Variants in TENM2 observed in about 807,000 individuals in gnomAD.
The protein encoded by TENM2 is teneurin-2.
TENM2 carries 52 observed loss-of-function variants against 245.2 expected under a neutral mutation model. That is an observed-to-expected ratio of 0.21 (90% confidence interval 0.17 to 0.27). The LOEUF is 0.27. TENM2 is among the 10% of genes least tolerant of loss of function. The probability of loss-of-function intolerance (pLI) is 1.00; values close to 1 mark genes in which losing one functional copy is unlikely to be tolerated. For missense variants in TENM2, 3,046 were observed against 3,666.8 expected (o/e 0.83, Z 4.37); for synonymous variants, 1,363 against 1,438.9 (o/e 0.95, Z 1.19).
chr5:167,808,099 T>C (rs1766360888), intron 2 of TENM2, among the ~76,000 whole-genome samples: 1 of 152,100 alleles, frequency 6.6e-6, no homozygotes, highest in South Asian at 2.1e-4. Flanking sequence ...AGAATCTGAG[T>C]TGGAGAAATA....
At chr5:168,122,121 C>T (rs1795508276) in intron 10 of TENM2, among the ~76,000 whole-genome samples, 1 of 152,200 alleles carries the variant, frequency 6.6e-6, no homozygotes, top group South Asian at 2.1e-4. Context: ...TGGTATATTC[C>T]CTTACCTGTG....
the TENM2 span, among the ~76,000 whole-genome samples, chr5:167,274,438 G>A: frequency 1.3e-5 from 2 of 152,028 alleles, no homozygotes; most frequent in Admixed American, 6.6e-5. Context: ...CCAGTTTGGG[G>A]CTAATGAGTG....
chr5:168,212,976 T>C (rs1302556778), intron 20 of TENM2, among the ~76,000 whole-genome samples: 3 of 152,216 alleles, frequency 2.0e-5, no homozygotes. Context: ...TCAGGCTCCC[T>C]AGAAAGTCCA....
At chr5:167,463,748 G>C (rs1211250039) in intron 2 of TENM2, among the ~76,000 whole-genome samples, 1 of 152,044 alleles carries the variant, frequency 6.6e-6, no homozygotes, top group Non-Finnish European at 1.5e-5. Flanking sequence ...TGCCTGCTTC[G>C]GCCCCCCAGA....
At chr5:167,489,608 A>T (rs542971440) in intron 2 of TENM2, among the ~76,000 whole-genome samples, 4 of 152,266 alleles carry the variant, frequency 2.6e-5, no homozygotes, top group Admixed American at 6.5e-5. Context: ...ACCTTCTAAG[A>T]TACTCTACAG....
chr5:167,336,611 G>C (rs997981135), intron 1 of TENM2, among the ~76,000 whole-genome samples: 4 of 151,972 alleles, frequency 2.6e-5, no homozygotes, highest in African/African-American at 9.7e-5. Context: ...CAGTTACAAA[G>C]CATAGTCCAG....
At chr5:166,979,922 C>G in the TENM2 span, among the ~76,000 whole-genome samples, 4 of 152,192 alleles carry the variant, frequency 2.6e-5, no homozygotes, top group East Asian at 7.7e-4. Flanking sequence ...TTAAGGTTAT[C>G]GTTCTCCAGG....
At chr5:167,482,137 C>T (rs996364733) in intron 2 of TENM2, among the ~76,000 whole-genome samples, 1 of 152,134 alleles carries the variant, frequency 6.6e-6, no homozygotes, top group Non-Finnish European at 1.5e-5. Context: ...AAAACTGCTG[C>T]AGGATATAAT....
intron 1 of TENM2, among the ~76,000 whole-genome samples, chr5:167,331,235 CAAA>C (rs34787036): frequency 2.3e-5 from 2 of 85,608 alleles, no homozygotes; most frequent in Non-Finnish European, 2.2e-5. Flanking sequence ...GACTCTGTCT[CAAA>C]AAAAAAAAAA....
intron 2 of TENM2, among the ~76,000 whole-genome samples, chr5:167,733,017 T>G (rs531544245): frequency 1.3e-5 from 2 of 152,182 alleles, no homozygotes; most frequent in Non-Finnish European, 2.9e-5. Flanking sequence ...TATTTTCCTA[T>G]CAGGAAATAT....
intron 2 of TENM2, among the ~76,000 whole-genome samples, chr5:167,393,170 A>AAT (rs1448605242): frequency 2.0e-5 from 3 of 152,126 alleles, no homozygotes; most frequent in Non-Finnish European, 4.4e-5. Context: ...GGCAATAAAA[A>AAT]ATGAACTTGA....
chr5:167,222,634 A>T, the TENM2 span, among the ~76,000 whole-genome samples: 1 of 152,156 alleles, frequency 6.6e-6, no homozygotes, highest in Non-Finnish European at 1.5e-5. Context: ...TACAGCACCT[A>T]TGATTCTCTC....
the TENM2 span, among the ~76,000 whole-genome samples, chr5:167,074,426 T>C: frequency 6.6e-6 from 1 of 152,178 alleles, no homozygotes; most frequent in African/African-American, 2.4e-5. Flanking sequence ...ACTCTCATGA[T>C]GGAGGTGTTC....
intron 2 of TENM2, among the ~76,000 whole-genome samples, chr5:167,455,993 T>G (rs535681089): frequency 6.6e-6 from 1 of 152,200 alleles, no homozygotes; most frequent in Non-Finnish European, 1.5e-5. Context: ...GAATTTTGAA[T>G]GAATTTTGAG....
At chr5:168,040,339 TC>T in intron 5 of TENM2, among the ~76,000 whole-genome samples, 1 of 152,312 alleles carries the variant, frequency 6.6e-6, no homozygotes, top group African/African-American at 2.4e-5. Context: ...TGGGATTGTA[TC>T]TGCCTCTCAT....
intron 2 of TENM2, among the ~76,000 whole-genome samples, chr5:167,598,247 G>A (rs1776358747): frequency 6.6e-6 from 1 of 152,160 alleles, no homozygotes; most frequent in Admixed American, 6.5e-5. Context: ...TCTGGAACAT[G>A]AAATTTGTCA....
intron 2 of TENM2, among the ~76,000 whole-genome samples, chr5:167,875,212 G>A (rs976555256): frequency 1.3e-5 from 2 of 152,172 alleles, no homozygotes; most frequent in Admixed American, 6.5e-5. Flanking sequence ...AAACATGGAA[G>A]GGTTGATTGA....
At chr5:167,168,051 A>C in the TENM2 span, among the ~76,000 whole-genome samples, 1 of 152,204 alleles carries the variant, frequency 6.6e-6, no homozygotes, top group East Asian at 1.9e-4. Flanking sequence ...AACAGTCTTA[A>C]TCAGGGAAAA....
chr5:167,118,791 C>T, the TENM2 span, among the ~76,000 whole-genome samples: 1 of 152,132 alleles, frequency 6.6e-6, no homozygotes, highest in Non-Finnish European at 1.5e-5. Flanking sequence ...GTACGGAGTT[C>T]TGTGTATCTT....
Sources: allele counts gnomAD v4.1 joint callset (sites outside exome capture counted in the v4.1 genomes callset), GRCh38; gene constraint gnomAD v4.1.1; transcripts MANE v1.5; gene names NCBI Gene and HGNC (gene_info 2026-07-23, HGNC 2026-07-21).